ANKRD10: variants seen among roughly 807,000 people sequenced by gnomAD.
ANKRD10 encodes the protein ankyrin repeat domain 10.
Under a neutral mutation model 27.0 loss-of-function variants are expected in ANKRD10, and 14 were observed. The observed-to-expected ratio is 0.52, with a 90% CI of 0.34 to 0.81. ANKRD10 has a LOEUF of 0.81. ANKRD10 is among the 40% of genes least tolerant of loss of function. The pLI, the probability that ANKRD10 is intolerant of heterozygous loss-of-function variation, is 0.01. For missense variants in ANKRD10, 493 were observed against 544.0 expected (o/e 0.91, Z 0.93); for synonymous variants, 250 against 224.5 (o/e 1.11, Z -1.01).
intron 1 of ANKRD10, among the ~76,000 whole-genome samples, chr13:110,912,119 T>A (rs1019272228): frequency 3.3e-5 from 5 of 152,238 alleles, no homozygotes; most frequent in Non-Finnish European, 7.3e-5. Context: ...GCCTACCATG[T>A]GCCAAGCAAC....
At chr13:110,893,982 C>G in intron 3 of ANKRD10, 1 of 639,702 alleles carries the variant, frequency 1.6e-6, no homozygotes, top group East Asian at 2.8e-5. Flanking sequence ...AAAGTTTTAC[C>G]TGGCTAATAG....
chr13:110,907,040 T>C (rs1468577086), intron 2 of ANKRD10, among the ~76,000 whole-genome samples: 1 of 152,022 alleles, frequency 6.6e-6, no homozygotes, highest in African/African-American at 2.4e-5. Flanking sequence ...CGGTGGAAAA[T>C]GAAGACTGGG....
intron 1 of ANKRD10, 96 bp from the exon 2 acceptor site, chr13:110,910,866 G>C: frequency 7.9e-7 from 1 of 1,269,520 alleles, no homozygotes; most frequent in South Asian, 1.6e-5. Context: ...GTGACAAATG[G>C]CATTGTTACC....
At chr13:110,888,210 G>A (rs1320045746) in intron 4 of ANKRD10, among the ~76,000 whole-genome samples, 4 of 150,512 alleles carry the variant, frequency 2.7e-5, no homozygotes, top group Non-Finnish European at 4.4e-5. Context: ...ATACAAAAGC[G>A]GCTTGTGATC....
chr13:110,905,967 A>C, intron 3 of ANKRD10, 66 bp downstream of exon 3: 1 of 1,415,242 alleles, frequency 7.1e-7, no homozygotes, highest in Non-Finnish European at 9.7e-7. Flanking sequence ...CTGCTTATGT[A>C]CTGCCTTTAA....
At chr13:110,885,877 TCA>T (rs763137247) in intron 4 of ANKRD10, among the ~76,000 whole-genome samples, 4 of 152,220 alleles carry the variant, frequency 2.6e-5, no homozygotes, top group Non-Finnish European at 5.9e-5. Flanking sequence ...ACCTGCAATT[TCA>T]CACCTCTGAA....
intron 5 of ANKRD10, among the ~76,000 whole-genome samples, chr13:110,882,328 C>A (rs2064835898): frequency 6.6e-6 from 1 of 152,190 alleles, no homozygotes; most frequent in African/African-American, 2.4e-5. Flanking sequence ...GTGAAGGCAG[C>A]TCCCTCAAGC....
At chr13:110,903,579 C>T (rs951070665) in intron 3 of ANKRD10, 1 of 154,060 alleles carries the variant, frequency 6.5e-6, no homozygotes, top group African/African-American at 2.4e-5. Flanking sequence ...CCATTCTAGC[C>T]ACAGACACTT....
chr13:110,898,035 C>T (rs2065275368), intron 3 of ANKRD10, among the ~76,000 whole-genome samples: 1 of 152,106 alleles, frequency 6.6e-6, no homozygotes, highest in Non-Finnish European at 1.5e-5. Flanking sequence ...TTAAAAGTTG[C>T]CAAATCTGTC....
At chr13:110,913,862 G>A (rs1374814006) in intron 1 of ANKRD10, among the ~76,000 whole-genome samples, 1 of 152,164 alleles carries the variant, frequency 6.6e-6, no homozygotes, top group African/African-American at 2.4e-5. Flanking sequence ...ATTTCTGAGA[G>A]CAAGTACCCC....
In ANKRD10 at chr13:110,879,474, AAAC is replaced by A; in HGVS notation, c.*160_*162del. ...CACTTAGTAAGCCCTACTCATGCAC[AAAC>A]AAGCAGTTGCTGGGAACTTGTCGAA... On this transcript the variant is annotated 3_prime_UTR_variant, in exon 6 of 6. Coordinates refer to ENST00000267339, the MANE Select transcript of ANKRD10 (RefSeq NM_017664.4). The A allele has an allele frequency of 3.2e-6, 2 of 625,234 alleles. No homozygotes were observed. Among genetic ancestry groups the A allele is most frequent in the Non-Finnish European group, 2.8e-6 (1 of 357,648 alleles). The allele number at this position is 625,234 out of a possible 1,614,324, so 38.7% of individuals were successfully genotyped here. A position where few individuals can be genotyped will look rare whatever the true frequency, so the allele number is the denominator to read the frequency against.
intron 3 of ANKRD10, among the ~76,000 whole-genome samples, chr13:110,896,953 G>T (rs1364230293): frequency 1.3e-5 from 2 of 149,440 alleles, no homozygotes; most frequent in Non-Finnish European, 3.0e-5. Context: ...TTATTATGGG[G>T]TACATTGTAA....
intron 3 of ANKRD10, among the ~76,000 whole-genome samples, chr13:110,901,258 A>T (rs984680223): frequency 2.6e-5 from 4 of 152,228 alleles, no homozygotes; most frequent in Admixed American, 2.6e-4. Context: ...ACTTTCTTAA[A>T]TATATTCTTC....
At chr13:110,883,903 C>CAA in intron 4 of ANKRD10, 110 bp from the exon 5 acceptor site, 2 of 748,460 alleles carry the variant, frequency 2.7e-6, no homozygotes, top group Admixed American at 3.4e-5. Flanking sequence ...TAAACAATCA[C>CAA]ATAAAAAAAA....
rs1277394004 is a variant in ANKRD10 at position 110,914,917 on chromosome 13, C to A, written c.18G>T (p.Ala6=). The change falls in exon 1 of 6, where the codon GCG becomes GCT. Residue 6 remains alanine, a synonymous_variant. Transcript: ENST00000267339. MSAAG[A]GAGVEAGFSS... ...AGAAGCCCGCCTCTACGCCCGCGCC[C>A]GCTCCCGCCGCCGACATGGTCCGTC... is the stretch of plus-strand genomic sequence containing the variant. 72 of 1,534,430 alleles carry A rather than the reference C, an allele frequency of 4.7e-5. No homozygotes were observed. The highest frequency in any genetic ancestry group is 5.7e-5 in the Non-Finnish European group (65 of 1,145,240).
chr13:110,902,188 G>A (rs901544268), intron 3 of ANKRD10, among the ~76,000 whole-genome samples: 4 of 151,882 alleles, frequency 2.6e-5, no homozygotes, highest in Non-Finnish European at 5.9e-5. Context: ...ATTCTGATGG[G>A]CAAAAAAATG....
At chr13:110,880,625 A>T (rs769214381) in intron 5 of ANKRD10, among the ~76,000 whole-genome samples, 21 of 151,898 alleles carry the variant, frequency 1.4e-4, no homozygotes, top group Non-Finnish European at 2.4e-4. Context: ...GCATCACATG[A>T]GGTTTTTAAA....
rs5806877 is a variant in ANKRD10 at position 110,894,403 on chromosome 13, CAAAAAAAAAAAAAA to C, written c.456-1154_456-1141del. On this transcript the variant is annotated intron_variant, in intron 3 of 5. Coordinates refer to ENST00000267339, the MANE Select transcript of ANKRD10 (RefSeq NM_017664.4). Reference sequence around the variant, plus strand: ...GCCTTTCTTGGGGTTACTGTTAATGCAAAAAAAAAAAAAAAAAAAAAAAACCCCGCATTTGAGAG... The same window carrying C: ...GCCTTTCTTGGGGTTACTGTTAATGCAAAAAAAAAACCCCGCATTTGAGAG... The C allele has an allele frequency of 1.3e-4, 8 of 60,066 alleles. No homozygotes were observed. The East Asian group carries it at 4.0e-3, about 30-fold the overall frequency. The allele number at this position is 60,066 out of a possible 1,614,324, so 3.7% of individuals were successfully genotyped here. A position where few individuals can be genotyped will look rare whatever the true frequency, so the allele number is the denominator to read the frequency against.
At position 110,887,351 on chromosome 13, in the gene ANKRD10, T is replaced by C. The variant is rs1050977898; in HGVS notation, c.692-3558A>G. Among the ~76,000 whole-genome samples the C allele has an allele frequency of 7.3e-4, 111 of 152,104 alleles. 1 individual carries two copies. The highest frequency in any genetic ancestry group is 2.4e-4 in the Non-Finnish European group (16 of 68,016). On this transcript the variant is annotated intron_variant, in intron 4 of 5. Transcript: ENST00000267339. ...AAGGTCTGCTGCATTACAGAAGTAA[T>C]GCAATTGGACACCAAGGTCGTGCCA...
Sources: allele counts gnomAD v4.1 joint callset (sites outside exome capture counted in the v4.1 genomes callset), GRCh38; gene constraint gnomAD v4.1.1; transcripts MANE v1.5; gene names NCBI Gene and HGNC (gene_info 2026-07-23, HGNC 2026-07-21).